COL5A1: variants seen among roughly 807,000 people sequenced by gnomAD.
COL5A1 encodes the protein collagen alpha-1(V) chain.
A neutral mutation model predicts 263.7 loss-of-function variants in COL5A1; 16 were observed. That is an observed-to-expected ratio of 0.06 (90% CI 0.04 to 0.09). The LOEUF is 0.09. Ranked by LOEUF, COL5A1 falls within the 10% of genes least tolerant of loss-of-function variation. COL5A1 has a pLI of 1.00. For synonymous variants in COL5A1, 1,012 were observed against 1,004.5 expected, an observed-to-expected ratio of 1.01 and a Z score of -0.14; for missense variants, 2,036 against 2,540.5, an observed-to-expected ratio of 0.80 and a Z score of 4.27.
In COL5A1 at chr9:134,741,261, G is replaced by A. The variant is rs150819266; in HGVS notation, c.1494+2453G>A. Among the ~76,000 whole-genome samples the A allele has an allele frequency of 3.0e-3, 459 of 152,328 alleles. 2 individuals are homozygous for A. The highest frequency in any genetic ancestry group is 0.01 in the African/African-American group (433 of 41,570). On this transcript the variant is annotated intron_variant, in intron 11 of 65. Transcript: ENST00000371817. The surrounding 1 kb of genome is among the most constrained non-coding windows in gnomAD (Gnocchi z 4.5). ...GGTTGAGCATCTGGGGCCTCCAAAAGACAGATTAACAAGAGAAGAGGCATA... is the reference window on the plus strand; with the variant it reads ...GGTTGAGCATCTGGGGCCTCCAAAAAACAGATTAACAAGAGAAGAGGCATA...
At chr9:134,835,309 G>C in intron 65 of COL5A1, 105 bp downstream of exon 65, 2 of 1,037,046 alleles carry the variant, frequency 1.9e-6, no homozygotes, top group South Asian at 2.8e-5. Context: ...CCAGAGGGCA[G>C]TGAGGGCCCC....
At chr9:134,753,704 G>C (rs897201716) in intron 14 of COL5A1, 146 bp from the exon 15 acceptor site, 10 of 678,174 alleles carry the variant, frequency 1.5e-5, no homozygotes, top group Non-Finnish European at 8.2e-6. Flanking sequence ...GGTTCTGTTC[G>C]AGGCAGACAG....
chr9:134,697,407 TCGTGGGCCTAG>T (rs1833518101), intron 2 of COL5A1, among the ~76,000 whole-genome samples: 1 of 152,202 alleles, frequency 6.6e-6, no homozygotes, highest in African/African-American at 2.4e-5. Context: ...AGATGGGGGT[TCGTGGGCCTAG>T]CGGTGCCTTG....
At chr9:134,783,415 C>T (rs1837333257) in intron 29 of COL5A1, among the ~76,000 whole-genome samples, 2 of 152,160 alleles carry the variant, frequency 1.3e-5, no homozygotes, top group South Asian at 2.1e-4. Flanking sequence ...GAGAAGGTGA[C>T]GCAAAGGGCA....
rs146373048 is a variant in COL5A1 at position 134,682,456 on chromosome 9, C to T, written c.110-8456C>T. On this transcript the variant is annotated intron_variant, in intron 1 of 65. Coordinates refer to ENST00000371817, the MANE Select transcript of COL5A1 (RefSeq NM_000093.5). This position sits in a 1 kb window ranked among gnomAD's most constrained non-coding sequence, Gnocchi z 5.1. ...TCCCCAGAGACCCTGACCCCAGGAC[C>T]GACGGAGCCAGCCCAGTGCCAGGGA... Among the ~76,000 whole-genome samples the T allele has an allele frequency of 2.3e-4, 35 of 152,270 alleles. No individual in the cohort carries two copies. Among genetic ancestry groups the T allele is most frequent in the Admixed American group, 1.4e-3 (22 of 15,304 alleles).
At chr9:134,701,369 A>C in intron 4 of COL5A1, 36 bp downstream of exon 4, 1 of 1,598,360 alleles carries the variant, frequency 6.3e-7, no homozygotes, top group Non-Finnish European at 8.6e-7. Context: ...TGTGCCCACC[A>C]GGGCACTCCT....
rs996869160 is a variant in COL5A1, at chr9:134,758,863, A to G, written c.1935+567A>G. Among the ~76,000 whole-genome samples, 2 of 152,270 alleles carry G rather than the reference A, an allele frequency of 1.3e-5. No individual in the cohort carries two copies. The highest frequency in any genetic ancestry group is 1.5e-5 in the Non-Finnish European group (1 of 68,002). On this transcript the variant is annotated intron_variant, in intron 18 of 65. Transcript: ENST00000371817. This position sits in a 1 kb window ranked among gnomAD's most constrained non-coding sequence, Gnocchi z 4.1. The stretch of plus-strand genomic sequence containing the variant: ...GGGTCTTCCTGGCTGCGCCGTTTCT[A>G]TGTGGTTGTTGGAGAACACAGATGC...
intron 13 of COL5A1, among the ~76,000 whole-genome samples, chr9:134,752,218 G>GTAC (rs1835806363): frequency 6.6e-6 from 1 of 152,174 alleles, no homozygotes; most frequent in South Asian, 2.1e-4. Context: ...GGTGTAAAAT[G>GTAC]TACTCCCTAT....
chr9:134,838,522 C>T (rs1446369872), intron 65 of COL5A1, among the ~76,000 whole-genome samples: 1 of 152,196 alleles, frequency 6.6e-6, no homozygotes, highest in African/African-American at 2.4e-5. Context: ...CAGTCAGCAG[C>T]GTGGGTCTGG....
In COL5A1 at chr9:134,642,174, C is replaced by T. The variant is rs1334351036; in HGVS notation, c.-14C>T. ...CCGAGCGCCCCTGTGCGCCCCGGCC[C>T]GCGCCCCGCCGGCATGGACGTCCAT... On this transcript the variant is annotated 5_prime_UTR_variant, in exon 1 of 66. Transcript: ENST00000371817. The surrounding 1 kb of genome is among the most constrained non-coding windows in gnomAD (Gnocchi z 4.5). 34 of 1,251,650 alleles carry T rather than the reference C, an allele frequency of 2.7e-5. No homozygotes were observed. The highest frequency in any genetic ancestry group is 3.2e-5 in the Non-Finnish European group (32 of 1,002,940). 77.5% of individuals were successfully genotyped at this position (1,251,650 alleles called of 1,614,324 possible).
intron 1 of COL5A1, among the ~76,000 whole-genome samples, chr9:134,646,160 G>A (rs1211540356): frequency 6.6e-6 from 1 of 152,172 alleles, no homozygotes; most frequent in Non-Finnish European, 1.5e-5. Context: ...CCTGGGTCGG[G>A]CCTATCTTGG....
chr9:134,654,729 A>C (rs1411347282), intron 1 of COL5A1, among the ~76,000 whole-genome samples: 1 of 112,444 alleles, frequency 8.9e-6, no homozygotes, highest in Non-Finnish European at 1.8e-5. Context: ...GTAGATGTGT[A>C]GGGCTGGGGT....
chr9:134,823,508 T>C (rs377507631), intron 61 of COL5A1, 39 bp downstream of exon 61: 7 of 1,603,028 alleles, frequency 4.4e-6, no homozygotes, highest in East Asian at 4.5e-5. Flanking sequence ...GGACGGGGGC[T>C]CTGGCTAGCT....
chr9:134,775,224 C>G (rs542079512), intron 27 of COL5A1, among the ~76,000 whole-genome samples: 2 of 152,354 alleles, frequency 1.3e-5, no homozygotes, highest in African/African-American at 2.4e-5. Context: ...CTTCTTGCCT[C>G]TTTAATTGTT....
chr9:134,789,335 C>T lies in COL5A1; in HGVS notation c.2700+127C>T. 2 of 796,354 alleles carry T rather than the reference C, an allele frequency of 2.5e-6. No homozygotes were observed. Among genetic ancestry groups the T allele is most frequent in the Non-Finnish European group, 4.2e-6 (2 of 473,244 alleles). 49.3% of individuals were successfully genotyped at this position (796,354 alleles called of 1,614,324 possible). ...CTTCTGAAACTGCTCTCCTGAATGGCTGGCCTTAAGCTCTTGAACTTCAGC... is the reference window on the plus strand; with the variant it reads ...CTTCTGAAACTGCTCTCCTGAATGGTTGGCCTTAAGCTCTTGAACTTCAGC... On this transcript the variant is annotated intron_variant, in intron 32 of 65. Coordinates refer to ENST00000371817, the MANE Select transcript of COL5A1 (RefSeq NM_000093.5). The surrounding 1 kb of genome is among the most constrained non-coding windows in gnomAD (Gnocchi z 4.8).
intron 1 of COL5A1, among the ~76,000 whole-genome samples, chr9:134,685,137 TCATCCTCCCATTCATC>T (rs1832985310): frequency 2.0e-5 from 2 of 99,020 alleles, no homozygotes; most frequent in Non-Finnish European, 4.0e-5. Context: ...CATCCATCCA[TCATCCTCCCATTCATC>T]CATCCATCCA....
chr9:134,708,763 C>T (rs1233201998), intron 4 of COL5A1: 5 of 470,326 alleles, frequency 1.1e-5, no homozygotes, highest in Admixed American at 4.5e-5. Context: ...CCAACTGTCA[C>T]AGCCCGGTGG....
intron 41 of COL5A1, among the ~76,000 whole-genome samples, chr9:134,805,477 C>T (rs1264914507): frequency 6.6e-6 from 1 of 152,142 alleles, no homozygotes; most frequent in African/African-American, 2.4e-5. Flanking sequence ...CTCTGTGTTG[C>T]CTGTGGAGCA....
chr9:134,815,407 G>A lies in COL5A1; in HGVS notation c.4015-169G>A, dbSNP rs549411606. On this transcript the variant is annotated intron_variant, in intron 50 of 65. Transcript: ENST00000371817. ...TTGCTGGCTCTGGGACATGCTGCAC[G>A]TGGAAGGGTCTCTGGGCCATAAAGT... Among the ~76,000 whole-genome samples the A allele has an allele frequency of 3.9e-5, 6 of 152,382 alleles. No individual in the cohort carries two copies. In the South Asian group the frequency reaches 6.2e-4, roughly 16 times the overall value.
Sources: gnomAD v4.1 joint callset for allele counts (sites outside exome capture counted in the v4.1 genomes callset) on GRCh38, gnomAD v4.1.1 for gene constraint, Gnocchi (gnomAD v3.1) non-coding constraint, MANE v1.5 for transcripts, NCBI Gene and HGNC (gene_info 2026-07-23, HGNC 2026-07-21) for gene names.